Variants in KCNAB2 observed in about 807,000 individuals in gnomAD.
KCNAB2 encodes voltage-gated potassium channel subunit beta-2.
In KCNAB2, 29 loss-of-function variants were observed where a neutral mutation model predicts 63.6. The observed-to-expected ratio is 0.46, with a 90% CI of 0.34 to 0.62. The LOEUF (loss-of-function observed/expected upper bound fraction) is 0.62, where lower values mean the gene tolerates loss of function less well. KCNAB2 is among the 20% of genes least tolerant of loss of function. The pLI is 0.01. For synonymous variants in KCNAB2, 222 were observed against 224.2 expected (o/e 0.99, Z 0.09); for missense variants, 359 against 563.9 (o/e 0.64, Z 3.68).
chr1:6,002,330 G>C (rs557284685), intron 1 of KCNAB2, among the ~76,000 whole-genome samples: 3 of 152,362 alleles, frequency 2.0e-5, no homozygotes, highest in Non-Finnish European at 4.4e-5. Flanking sequence ...CTGAACAACA[G>C]GCAGTGCCCA....
Position 6,074,884 on chromosome 1 carries a change from G to C in KCNAB2, c.300+1114G>C, listed in dbSNP as rs943717164. 6.6e-6 allele frequency among the ~76,000 whole-genome samples: 1 copy of C among 151,782 alleles called. No individual in the cohort carries two copies. The highest frequency in any genetic ancestry group is 2.4e-5 in the African/African-American group (1 of 41,280). The stretch of plus-strand genomic sequence containing the variant: ...CAGGAGAATTGCTTGAACCCAGAAG[G>C]GGGAGGTTGCAGTGAGCCGAGATCA... On this transcript the variant is annotated intron_variant, in intron 4 of 15. Coordinates refer to ENST00000378083, the MANE Select transcript of KCNAB2 (RefSeq NM_001199862.2). The surrounding 1 kb of genome is among the most constrained non-coding windows in gnomAD (Gnocchi z 4.9).
chr1:6,038,578 G>A (rs1319125812), intron 1 of KCNAB2, among the ~76,000 whole-genome samples: 1 of 152,188 alleles, frequency 6.6e-6, no homozygotes, highest in African/African-American at 2.4e-5. Context: ...GCCTCCCGAA[G>A]TGCTGGTATT....
intron 5 of KCNAB2, 110 bp downstream of exon 5, chr1:6,082,384 C>T: frequency 1.2e-6 from 1 of 809,094 alleles, no homozygotes; most frequent in Non-Finnish European, 2.1e-6. Context: ...ATGCACCTTG[C>T]ACCCTGCTTT....
At chr1:5,995,382 G>A (rs1030908101) in intron 1 of KCNAB2, among the ~76,000 whole-genome samples, 2 of 152,242 alleles carry the variant, frequency 1.3e-5, no homozygotes, top group Non-Finnish European at 2.9e-5. Context: ...TTTGAGCCCA[G>A]TTCATGCCTT....
chr1:6,069,212 G>A lies in KCNAB2; in HGVS notation c.219-3543G>A, dbSNP rs1662995759. Among the ~76,000 whole-genome samples, 1 of 152,198 alleles carries A rather than the reference G, an allele frequency of 6.6e-6. No individual in the cohort carries two copies. ...CAGACAGGCGAGCAGGGCACTAACA[G>A]GAGCCACCCCATGTGCCTTCCTCCG... On this transcript the variant is annotated intron_variant, in intron 2 of 15. Coordinates refer to ENST00000378083, the MANE Select transcript of KCNAB2 (RefSeq NM_001199862.2). This position sits in a 1 kb window ranked among gnomAD's most constrained non-coding sequence, Gnocchi z 5.4.
rs140139887 is a variant in KCNAB2 at position 6,028,238 on chromosome 1, G to A, written c.-52-12279G>A. On this transcript the variant is annotated intron_variant, in intron 1 of 16. Transcript: ENST00000341524. This position sits in a 1 kb window ranked among gnomAD's most constrained non-coding sequence, Gnocchi z 4.0. ...TCCTGGCTTCTGGGTGAGAGGGGAAGTGTGTGTTGTGTAAGTGCCCTTCTG... is the reference window on the plus strand; with the variant it reads ...TCCTGGCTTCTGGGTGAGAGGGGAAATGTGTGTTGTGTAAGTGCCCTTCTG... 2.6e-4 allele frequency among the ~76,000 whole-genome samples: 40 copies of A among 152,338 alleles called. No homozygotes were observed. The highest frequency in any genetic ancestry group is 3.4e-3 in the Middle Eastern group (1 of 294).
intron 2 of KCNAB2, among the ~76,000 whole-genome samples, chr1:6,072,273 G>A (rs560238891): frequency 9.8e-4 from 149 of 152,294 alleles, no homozygotes; most frequent in African/African-American, 3.1e-3. Flanking sequence ...CCCGCACCCC[G>A]AGGGACAGAT....
chr1:6,049,588 C>T (rs147813434), intron 1 of KCNAB2, among the ~76,000 whole-genome samples: 1 of 152,330 alleles, frequency 6.6e-6, no homozygotes, highest in African/African-American at 2.4e-5. Context: ...ACTGGTTGCT[C>T]GCCTTTAGGG....
intron 4 of KCNAB2, among the ~76,000 whole-genome samples, chr1:6,077,203 A>G (rs1306304674): frequency 6.6e-6 from 1 of 151,976 alleles, no homozygotes; most frequent in Non-Finnish European, 1.5e-5. Flanking sequence ...AAAGAAAAGC[A>G]TGTTTTGAAG....
chr1:6,037,981 T>C (rs1051829435), intron 1 of KCNAB2, among the ~76,000 whole-genome samples: 3 of 149,934 alleles, frequency 2.0e-5, no homozygotes, highest in African/African-American at 7.4e-5. Context: ...TTCACGCCAT[T>C]CTCCTGCCTC....
chr1:6,072,690 G>A (rs1408083953), intron 2 of KCNAB2, 65 bp from the exon 3 acceptor site: 3 of 1,563,560 alleles, frequency 1.9e-6, no homozygotes, highest in East Asian at 4.5e-5. Context: ...GCCCTGGCGG[G>A]AACTGAGCCT....
intron 2 of KCNAB2, among the ~76,000 whole-genome samples, chr1:6,053,757 C>T (rs551559271): frequency 6.6e-6 from 1 of 152,234 alleles, no homozygotes; most frequent in South Asian, 2.1e-4. Flanking sequence ...AATCAAGACC[C>T]CCCAAAATTC....
In KCNAB2 at chr1:6,071,474, G is replaced by A. The variant is rs1171214785; in HGVS notation, c.219-1281G>A. Among the ~76,000 whole-genome samples the A allele has an allele frequency of 1.3e-5, 2 of 152,196 alleles. No individual in the cohort carries two copies. Among genetic ancestry groups the A allele is most frequent in the African/African-American group, 4.8e-5 (2 of 41,444 alleles). On this transcript the variant is annotated intron_variant, in intron 2 of 15. Coordinates refer to ENST00000378083, the MANE Select transcript of KCNAB2 (RefSeq NM_001199862.2). The surrounding 1 kb of genome is among the most constrained non-coding windows in gnomAD (Gnocchi z 8.5). ...GGCCACTTGTCAACCTCACCATCTG[G>A]GCAGATCACGCCCTGCTTAACAGGC... is the stretch of plus-strand genomic sequence containing the variant.
chr1:6,062,761 A>G (rs1662424683), intron 2 of KCNAB2, among the ~76,000 whole-genome samples: 1 of 152,216 alleles, frequency 6.6e-6, no homozygotes, highest in Admixed American at 6.5e-5. Context: ...AGAAGCCCAG[A>G]GGGTTTTCAG....
chr1:6,085,466 C>A lies in KCNAB2; in HGVS notation c.425+218C>A, dbSNP rs114763101. 2.5e-3 allele frequency among the ~76,000 whole-genome samples: 384 copies of A among 152,260 alleles called. 2 individuals carry two copies. The highest frequency in any genetic ancestry group is 9.0e-3 in the African/African-American group (375 of 41,556). On this transcript the variant is annotated intron_variant, in intron 6 of 15. Coordinates refer to ENST00000378083, the MANE Select transcript of KCNAB2 (RefSeq NM_001199862.2). The stretch of plus-strand genomic sequence containing the variant: ...AGGCCGAATACACTGTCCACCCCCA[C>A]CCTAGCCTGCCCACTCCGCCTCTGT...
intron 1 of KCNAB2, among the ~76,000 whole-genome samples, chr1:6,049,795 T>C (rs1156390232): frequency 2.0e-5 from 3 of 152,368 alleles, no homozygotes; most frequent in Admixed American, 2.0e-4. Flanking sequence ...CTAGGCCTCA[T>C]GCTGGGCACA....
intron 2 of KCNAB2, among the ~76,000 whole-genome samples, chr1:6,064,773 G>A (rs780844633): frequency 6.6e-6 from 1 of 152,204 alleles, no homozygotes; most frequent in Non-Finnish European, 1.5e-5. Context: ...GGCAGGACAA[G>A]AGGGGGCCCA....
In KCNAB2 at chr1:6,096,743, C is replaced by T; in HGVS notation, c.1056C>T (p.Pro352=). ...CCGAGCGCCTGGGCTGCACCCTGCC[C>T]CAGCTGGCCATAGGTAACGGTGGGG... ...AIAERLGCTL[P]QLAIAWCLRN... The change falls in exon 14 of 16, where the codon CCC becomes CCT. Residue 352 remains proline, a synonymous_variant. Transcript: ENST00000378083. The surrounding 1 kb of genome is among the most constrained non-coding windows in gnomAD (Gnocchi z 5.9). 2 of 1,585,434 alleles carry T rather than the reference C, an allele frequency of 1.3e-6. No individual in the cohort carries two copies. The highest frequency in any genetic ancestry group is 1.7e-6 in the Non-Finnish European group (2 of 1,166,616).
chr1:6,091,582 C>T (rs974547535), intron 10 of KCNAB2, among the ~76,000 whole-genome samples: 1 of 152,016 alleles, frequency 6.6e-6, no homozygotes, highest in Middle Eastern at 3.4e-3. Flanking sequence ...CCGCGGCGGC[C>T]GGGGGTCCTC....
Sources: gnomAD v4.1 joint callset for allele counts (sites outside exome capture counted in the v4.1 genomes callset) on GRCh38, gnomAD v4.1.1 for gene constraint, Gnocchi (gnomAD v3.1) non-coding constraint, MANE v1.5 for transcripts, NCBI Gene and HGNC (gene_info 2026-07-23, HGNC 2026-07-21) for gene names.